Variants in TFEC observed in about 807,000 individuals in gnomAD.
The protein encoded by TFEC is class E basic helix-loop-helix protein 34.
In TFEC, 31 loss-of-function variants were observed where a neutral mutation model predicts 41.6. The observed-to-expected ratio is 0.74, with a 90% CI of 0.56 to 1.01. The LOEUF (loss-of-function observed/expected upper bound fraction) is 1.01. TFEC is among the 50% of genes least tolerant of loss of function. The pLI is 0.00. For missense variants in TFEC, 402 were observed against 404.1 expected (o/e 0.99, Z 0.04); for synonymous variants, 143 against 140.6 (o/e 1.02, Z -0.12).
Position 116,042,421 on chromosome 7 carries a change from T to A in TFEC, c.199-57908A>T, listed in dbSNP as rs564617917. Among the ~76,000 whole-genome samples the A allele has an allele frequency of 3.3e-5, 5 of 152,314 alleles. No individual in the cohort carries two copies. In the South Asian group the frequency reaches 1.0e-3, roughly 32 times the overall value. ...TATATGAGATAGGTAACATCCCATA[T>A]CATGAGTATGTTCAGAGTTGTTGAG... On this transcript the variant is annotated intron_variant, in intron 3 of 8. Coordinates refer to the TFEC transcript ENST00000484212.
At chr7:116,031,620 G>A (rs1459428112), upstream of TFEC, among the ~76,000 whole-genome samples, 1 of 152,232 alleles carries the variant, frequency 6.6e-6, no homozygotes, top group South Asian at 2.1e-4. Context: ...ATTTATGCAA[G>A]CTACTGAAGT....
In TFEC at chr7:116,126,077, T is replaced by C. The variant is rs116394835; in HGVS notation, c.-68-14039A>G. ...TGCATTTGGTCCTCTTCAAATATGA[T>C]AGGGATTTACACATTGGAGAATTTA... On this transcript the variant is annotated intron_variant, in intron 1 of 8. Coordinates refer to the TFEC transcript ENST00000484212. Among the ~76,000 whole-genome samples, 277 of 152,044 alleles carry C rather than the reference T, an allele frequency of 1.8e-3. 1 individual carries two copies. The highest frequency in any genetic ancestry group is 6.3e-3 in the African/African-American group (262 of 41,462).
At chr7:116,110,886 C>T in exon 3 of TFEC, 1 of 1,536,590 alleles carries the variant, frequency 6.5e-7, no homozygotes, top group South Asian at 1.2e-5. Flanking sequence ...AAATTGAAGT[C>T]CAGTTAAAGC....
At chr7:115,967,195 G>A (rs1792896311) in intron 3 of TFEC, among the ~76,000 whole-genome samples, 1 of 151,222 alleles carries the variant, frequency 6.6e-6, no homozygotes, top group Admixed American at 6.6e-5. Context: ...TATTAGTAGA[G>A]ATAACAAAAG....
intron 1 of TFEC, among the ~76,000 whole-genome samples, chr7:116,156,628 G>T (rs1798875512): frequency 6.6e-6 from 1 of 152,092 alleles, no homozygotes. Context: ...TGATTCTTTA[G>T]AATTTCTACT....
At chr7:116,123,749 A>G (rs1018897127) in intron 1 of TFEC, among the ~76,000 whole-genome samples, 5 of 152,022 alleles carry the variant, frequency 3.3e-5, no homozygotes, top group Admixed American at 6.6e-5. Context: ...CTTTTCCCCT[A>G]CTACTCCTAT....
intron 1 of TFEC, among the ~76,000 whole-genome samples, chr7:116,020,885 C>T (rs914735503): frequency 2.6e-5 from 4 of 152,014 alleles, no homozygotes; most frequent in African/African-American, 9.7e-5. Context: ...ATAAGACTCT[C>T]AAACAATAAC....
At chr7:116,083,866 T>C (rs1797145245) in intron 3 of TFEC, among the ~76,000 whole-genome samples, 2 of 151,936 alleles carry the variant, frequency 1.3e-5, no homozygotes, top group Admixed American at 1.3e-4. Context: ...ATCCAAGCTT[T>C]GTTGTAATGT....
chr7:115,943,398 G>A (rs1039636085), intron 6 of TFEC, among the ~76,000 whole-genome samples: 9 of 151,706 alleles, frequency 5.9e-5, no homozygotes, highest in Non-Finnish European at 1.0e-4. Flanking sequence ...CTCATGGAAA[G>A]AAAAGCTTGA....
At chr7:116,098,867 A>AAATGAAGGAAGG (rs1208332693) in intron 3 of TFEC, among the ~76,000 whole-genome samples, 3 of 115,042 alleles carry the variant, frequency 2.6e-5, no homozygotes, top group East Asian at 2.6e-4. Flanking sequence ...GAGAGGAAGA[A>AAATGAAGGAAGG]AAGGAAGGAA....
chr7:116,015,825 G>A (rs181635062), intron 1 of TFEC, among the ~76,000 whole-genome samples: 3 of 152,216 alleles, frequency 2.0e-5, no homozygotes, highest in Admixed American at 2.0e-4. Context: ...AAGGAAAGAA[G>A]AAGAATTCAG....
chr7:116,123,285 C>A (rs547916772), intron 1 of TFEC, among the ~76,000 whole-genome samples: 22 of 152,016 alleles, frequency 1.4e-4, no homozygotes, highest in Non-Finnish European at 2.2e-4. Context: ...AACACTGAAG[C>A]CTCTCCTTTT....
chr7:116,093,849 A>T, intron 3 of TFEC, among the ~76,000 whole-genome samples: 1 of 152,186 alleles, frequency 6.6e-6, no homozygotes, highest in East Asian at 1.9e-4. Context: ...CCCACCAAAA[A>T]ATCAGTAACA....
At chr7:116,048,104 T>G (rs1329174890) in intron 3 of TFEC, among the ~76,000 whole-genome samples, 1 of 152,178 alleles carries the variant, frequency 6.6e-6, no homozygotes, top group Non-Finnish European at 1.5e-5. Flanking sequence ...CACAGCTCCT[T>G]GCCAGCAATG....
chr7:115,954,724 T>C, intron 4 of TFEC, 82 bp from the exon 5 acceptor site: 1 of 1,039,356 alleles, frequency 9.6e-7, no homozygotes, highest in East Asian at 2.5e-5. Flanking sequence ...AACTCCTAGG[T>C]GAAAATAAAA....
At chr7:116,095,520 T>A (rs1342003716) in intron 3 of TFEC, among the ~76,000 whole-genome samples, 2 of 152,196 alleles carry the variant, frequency 1.3e-5, no homozygotes, top group Non-Finnish European at 2.9e-5. Flanking sequence ...ATACAAATGC[T>A]GTAGACTATG....
At chr7:116,135,677 T>C (rs1798419524) in intron 1 of TFEC, among the ~76,000 whole-genome samples, 2 of 152,092 alleles carry the variant, frequency 1.3e-5, no homozygotes, top group African/African-American at 4.8e-5. Flanking sequence ...ATTTATTTGC[T>C]CTTTTCACCA....
intron 1 of TFEC, among the ~76,000 whole-genome samples, chr7:116,123,731 T>C (rs1378610598): frequency 6.6e-6 from 1 of 152,092 alleles, no homozygotes; most frequent in East Asian, 1.9e-4. Context: ...AATTCCACCT[T>C]TTCATAACTT....
rs555796424 is a variant in TFEC, at chr7:116,092,316, G to A, written c.198+18392C>T. ...ACTTTAATACTAGTTACAACTTGAA[G>A]TTCAACTAACTGACAAAGCCTGAAG... On this transcript the variant is annotated intron_variant, in intron 3 of 8. Coordinates refer to the TFEC transcript ENST00000484212. Among the ~76,000 whole-genome samples, 4 of 152,276 alleles carry A rather than the reference G, an allele frequency of 2.6e-5. No individual in the cohort carries two copies. In the East Asian group the frequency reaches 5.8e-4, roughly 22 times the overall value.
Sources: gnomAD v4.1 joint callset for allele counts (sites outside exome capture counted in the v4.1 genomes callset) on GRCh38, gnomAD v4.1.1 for gene constraint, MANE v1.5 for transcripts, NCBI Gene and HGNC (gene_info 2026-07-23, HGNC 2026-07-21) for gene names.